Variants in GPHN observed in about 807,000 individuals in gnomAD.
GPHN encodes the protein gephyrin.
Under a neutral mutation model 95.5 loss-of-function variants are expected in GPHN, and 17 were observed. That is an observed-to-expected ratio of 0.18 (90% CI 0.12 to 0.27). The LOEUF (loss-of-function observed/expected upper bound fraction) is 0.27. Among genes scored for constraint, GPHN ranks in the 10% least tolerant of loss-of-function variants. GPHN has a pLI of 1.00. For synonymous variants in GPHN, 320 were observed against 322.5 expected (o/e 0.99, Z 0.08); for missense variants, 660 against 978.1 (o/e 0.67, Z 4.34).
chr14:67,047,692 T>A (rs189357435), intron 10 of GPHN, among the ~76,000 whole-genome samples: 1 of 152,194 alleles, frequency 6.6e-6, no homozygotes, highest in Admixed American at 6.5e-5. Flanking sequence ...TAAAAATGGA[T>A]TTTCAGGGAA....
intron 4 of GPHN, among the ~76,000 whole-genome samples, chr14:66,835,729 A>G (rs1163904855): frequency 5.9e-5 from 9 of 152,018 alleles, no homozygotes; most frequent in Non-Finnish European, 7.4e-5. Context: ...CCTTAAGCTG[A>G]TAAGCAACTT....
At chr14:66,801,379 T>G (rs1309738115) in intron 3 of GPHN, among the ~76,000 whole-genome samples, 1 of 152,188 alleles carries the variant, frequency 6.6e-6, no homozygotes, top group African/African-American at 2.4e-5. Flanking sequence ...ACCTGAGTGT[T>G]ATAAGCTTTA....
the GPHN span, among the ~76,000 whole-genome samples, chr14:67,308,550 T>TC: frequency 6.8e-6 from 1 of 146,626 alleles, no homozygotes; most frequent in African/African-American, 2.5e-5. Context: ...CTTTTTCTTT[T>TC]TTTTTTTTTT....
the GPHN span, among the ~76,000 whole-genome samples, chr14:67,232,397 G>C: frequency 6.6e-6 from 1 of 152,204 alleles, no homozygotes; most frequent in Non-Finnish European, 1.5e-5. Flanking sequence ...GAGACTCCTG[G>C]AGGCAGATCC....
chr14:67,410,320 C>T, the GPHN span, among the ~76,000 whole-genome samples: 1 of 152,104 alleles, frequency 6.6e-6, no homozygotes, highest in Non-Finnish European at 1.5e-5. Context: ...AACTTCATCC[C>T]TCCACAGGCT....
At chr14:66,782,763 G>C (rs1250085575) in intron 3 of GPHN, among the ~76,000 whole-genome samples, 1 of 152,154 alleles carries the variant, frequency 6.6e-6, no homozygotes, top group Non-Finnish European at 1.5e-5. Flanking sequence ...AACCCGGGAG[G>C]TGGAGGATGC....
intron 2 of GPHN, among the ~76,000 whole-genome samples, chr14:66,713,100 G>T (rs1595656351): frequency 1.3e-5 from 2 of 152,074 alleles, no homozygotes; most frequent in South Asian, 4.1e-4. Context: ...CCACTCTGTG[G>T]GTTGTCTGTT....
At chr14:66,517,324 A>G (rs943023996) in intron 1 of GPHN, among the ~76,000 whole-genome samples, 5 of 152,164 alleles carry the variant, frequency 3.3e-5, no homozygotes, top group Admixed American at 2.6e-4. Context: ...ACATTGTAGA[A>G]GTTACGTTTG....
the GPHN span, among the ~76,000 whole-genome samples, chr14:67,214,906 G>T: frequency 6.6e-6 from 1 of 151,962 alleles, no homozygotes; most frequent in African/African-American, 2.4e-5. Flanking sequence ...GGATTCCTAG[G>T]TATTTTATTC....
the GPHN span, among the ~76,000 whole-genome samples, chr14:67,526,895 G>C: frequency 2.8e-3 from 427 of 152,226 alleles, 2 homozygotes; most frequent in African/African-American, 1.0e-2. Context: ...CTTCCAGTAG[G>C]GTATGAGCCC....
chr14:67,733,899 A>G, the GPHN span: 1 of 1,391,962 alleles, frequency 7.2e-7, no homozygotes, highest in Middle Eastern at 1.8e-4. Context: ...CATAATGAAC[A>G]GGGACCAAGG....
chr14:66,807,951 A>G (rs770666898), intron 3 of GPHN, among the ~76,000 whole-genome samples: 5 of 152,218 alleles, frequency 3.3e-5, no homozygotes, highest in African/African-American at 7.2e-5. Flanking sequence ...TGAATTCTGC[A>G]TGCTAGAATC....
chr14:66,839,136 C>T (rs1466367291), intron 4 of GPHN, among the ~76,000 whole-genome samples: 1 of 152,162 alleles, frequency 6.6e-6, no homozygotes, highest in Non-Finnish European at 1.5e-5. Flanking sequence ...GATCCAAGTT[C>T]CTTCAAAAGA....
the GPHN span, among the ~76,000 whole-genome samples, chr14:67,600,791 T>G: frequency 3.9e-5 from 6 of 152,184 alleles, no homozygotes; most frequent in Non-Finnish European, 7.4e-5. Flanking sequence ...GTTGGCCAGG[T>G]TGGTCTCAAA....
chr14:67,560,727 CTTTTTTTTTT>C, the GPHN span, among the ~76,000 whole-genome samples: 3 of 126,430 alleles, frequency 2.4e-5, no homozygotes, highest in East Asian at 6.7e-4. Context: ...GAACATATAT[CTTTTTTTTTT>C]TTTTTTTTTT....
intron 1 of GPHN, among the ~76,000 whole-genome samples, chr14:66,642,896 A>C (rs997173013): frequency 1.3e-5 from 2 of 151,968 alleles, no homozygotes; most frequent in Non-Finnish European, 2.9e-5. Flanking sequence ...TTTTAGATGG[A>C]AACATGGCAG....
intron 3 of GPHN, among the ~76,000 whole-genome samples, chr14:66,797,949 T>A (rs567172872): frequency 1.3e-5 from 2 of 152,112 alleles, no homozygotes; most frequent in Non-Finnish European, 2.9e-5. Context: ...ATTATGATAC[T>A]AGCTGTGGGT....
chr14:67,516,111 GC>G, the GPHN span, among the ~76,000 whole-genome samples: 1 of 152,192 alleles, frequency 6.6e-6, no homozygotes, highest in East Asian at 1.9e-4. Context: ...GCAGCTGAGG[GC>G]CCTGACTTGA....
chr14:66,787,269 A>G (rs1463900273), intron 3 of GPHN, among the ~76,000 whole-genome samples: 1 of 152,204 alleles, frequency 6.6e-6, no homozygotes, highest in Non-Finnish European at 1.5e-5. Context: ...AAGAAAATAA[A>G]ATATCTAGAT....
Sources: gnomAD v4.1 joint callset for allele counts (sites outside exome capture counted in the v4.1 genomes callset) on GRCh38, gnomAD v4.1.1 for gene constraint, MANE v1.5 for transcripts, NCBI Gene and HGNC (gene_info 2026-07-23, HGNC 2026-07-21) for gene names.